ABCC3: variants seen among roughly 807,000 people sequenced by gnomAD.
ABCC3 encodes ATP binding cassette subfamily C member 3, also known as ATP-binding cassette sub-family C member 3.
Under a neutral mutation model 165.3 loss-of-function variants are expected in ABCC3, and 121 were observed. The ratio of observed to expected loss-of-function variants is 0.73; its 90% CI spans 0.63 to 0.85. The LOEUF is 0.85. Ranked by LOEUF, ABCC3 falls within the 40% of genes least tolerant of loss-of-function variation. ABCC3 has a pLI of 0.00. For synonymous variants in ABCC3, 733 were observed against 810.1 expected, an observed-to-expected ratio of 0.90 and a Z score of 1.62; for missense variants, 1,869 against 1,964.1, an observed-to-expected ratio of 0.95 and a Z score of 0.92.
chr17:50,642,718 C>T (rs180672415), intron 1 of ABCC3, among the ~76,000 whole-genome samples: 51 of 152,332 alleles, frequency 3.3e-4, no homozygotes, highest in Admixed American at 9.1e-4. Context: ...TTCTCCGCAT[C>T]GGGGTTGGGT....
chr17:50,649,492 C>T (rs1016244978), intron 1 of ABCC3, among the ~76,000 whole-genome samples: 2 of 151,892 alleles, frequency 1.3e-5, no homozygotes, highest in African/African-American at 2.4e-5. Flanking sequence ...TCTCAAGTTA[C>T]GTTGCAGTTT....
chr17:50,668,680 C>T (rs1466572194), intron 14 of ABCC3, among the ~76,000 whole-genome samples, 163 bp downstream of exon 14: 8 of 152,116 alleles, frequency 5.3e-5, no homozygotes, highest in African/African-American at 7.2e-5. Context: ...TGCTCTCCTC[C>T]GCCCTCCTCC....
chr17:50,672,956 C>A lies in ABCC3; in HGVS notation c.2242-15C>A, dbSNP rs749025100. 6.2e-7 allele frequency: 1 copy of A among 1,610,816 alleles called. No homozygotes were observed. The highest frequency in any genetic ancestry group is 8.5e-7 in the Non-Finnish European group (1 of 1,178,626). On this transcript the variant is annotated splice_polypyrimidine_tract_variant and intron_variant, in intron 17 of 30. Coordinates refer to ENST00000285238, the MANE Select transcript of ABCC3 (RefSeq NM_003786.4). ...CTGTCTGACCCCATTTTTCCCACCC[C>A]CCGCCTCCCTCCAGGGCATTAACCT...
At chr17:50,659,700 T>TG (rs144181111) in intron 7 of ABCC3, among the ~76,000 whole-genome samples, 42,956 of 151,972 alleles carry the variant, frequency 0.28, 6,471 homozygotes, top group East Asian at 0.4. Context: ...ATGGGGACAC[T>TG]GGGGCCGGGT....
intron 22 of ABCC3, 76 bp downstream of exon 22, chr17:50,676,166 C>T: frequency 6.3e-7 from 1 of 1,597,742 alleles, no homozygotes; most frequent in Non-Finnish European, 8.6e-7. Context: ...CAAACCGTGC[C>T]CTTGCATCCA....
chr17:50,677,870 G>A lies in ABCC3; in HGVS notation c.3505G>A (p.Asp1169Asn), dbSNP rs139738090. The A allele has an allele frequency of 7.4e-6, 12 of 1,614,048 alleles. No individual in the cohort carries two copies. The African/African-American group carries it at 1.5e-4, about 20-fold the overall frequency. Reference protein sequence around the residue: ...SVIRAYNRSRDFEIISDTKVD... With the variant: ...SVIRAYNRSRNFEIISDTKVD... ...CATCCGGGCCTACAACCGCAGCCGG[G>A]ATTTTGAGATCATCAGTGATACTAA... Residue 1169 changes from aspartate (D) to asparagine (N), a missense_variant, in exon 24 of 31, where the codon GAT becomes AAT. Asp to Asn is a conservative substitution (Grantham distance 23). Coordinates refer to ENST00000285238, the MANE Select transcript of ABCC3 (RefSeq NM_003786.4).
In ABCC3 at chr17:50,656,784, C is replaced by T. The variant is rs371734426; in HGVS notation, c.305C>T (p.Ala102Val). 4 of 1,613,678 alleles carry T rather than the reference C, an allele frequency of 2.5e-6. No individual in the cohort carries two copies. Among genetic ancestry groups the T allele is most frequent in the Non-Finnish European group, 3.4e-6 (4 of 1,179,914 alleles). ...GGCCTGGTCCATGGCCGGGCCCCTG[C>T]CCCTGTTTTCTTTGTCACCCCCTTG... ...FHGLVHGRAP[A>V]PVFFVTPLVV... Residue 102 changes from alanine to valine, a missense_variant, in exon 3 of 31, where the codon GCC becomes GTC. Ala to Val is a moderately conservative substitution (Grantham distance 64). Coordinates refer to ENST00000285238, the MANE Select transcript of ABCC3 (RefSeq NM_003786.4).
chr17:50,678,324 G>C, intron 25 of ABCC3, 105 bp downstream of exon 25: 1 of 1,254,064 alleles, frequency 8.0e-7, no homozygotes. Flanking sequence ...ATGGGCACCA[G>C]CCACAGGGTC....
intron 2 of ABCC3, among the ~76,000 whole-genome samples, chr17:50,656,412 C>T (rs978342582): frequency 1.3e-5 from 2 of 152,228 alleles, no homozygotes; most frequent in Non-Finnish European, 2.9e-5. Flanking sequence ...CCCACCTCCT[C>T]GGCTGGACTG....
intron 19 of ABCC3, among the ~76,000 whole-genome samples, chr17:50,674,987 A>G (rs1967769022): frequency 6.6e-6 from 1 of 151,608 alleles, no homozygotes; most frequent in Non-Finnish European, 1.5e-5. Context: ...TTTAGTAGAG[A>G]CGGGGTTTCA....
Position 50,667,743 on chromosome 17 carries a change from T to A in ABCC3, c.1621T>A (p.Cys541Ser). The change falls in exon 12 of 31, where the codon TGC becomes AGC. Residue 541 changes from cysteine (C) to serine (S), a missense_variant. Coordinates refer to ENST00000285238, the MANE Select transcript of ABCC3 (RefSeq NM_003786.4). ...CACCACAACCACCTTCACCTGGATG[T>A]GCAGCCCCTTCCTGGTGAGGCTTGG... ...LHTTTTFTWM[C>S]SPFLVTLITL... 2 of 1,614,092 alleles carry A rather than the reference T, an allele frequency of 1.2e-6. No homozygotes were observed. The highest frequency in any genetic ancestry group is 1.7e-6 in the Non-Finnish European group (2 of 1,180,030).
intron 1 of ABCC3, 140 bp downstream of exon 1, chr17:50,635,121 G>A: frequency 1.1e-6 from 1 of 948,342 alleles, no homozygotes; most frequent in Non-Finnish European, 1.4e-6. Context: ...CCGGGAGGGG[G>A]CGATGGGCTC....
chr17:50,654,655 G>A lies in ABCC3; in HGVS notation c.46-1177G>A, dbSNP rs900953853. On this transcript the variant is annotated intron_variant, in intron 1 of 30. Transcript: ENST00000285238. ...CCACCCAGTGAGGTACAGGTGGGCCGGTGGATGGTCACCTCCATTTCAGAA... is the reference window on the plus strand; with the variant it reads ...CCACCCAGTGAGGTACAGGTGGGCCAGTGGATGGTCACCTCCATTTCAGAA... 2.0e-5 allele frequency among the ~76,000 whole-genome samples: 3 copies of A among 152,138 alleles called. No individual in the cohort carries two copies. In the East Asian group the frequency reaches 5.8e-4, roughly 29 times the overall value.
At chr17:50,665,085 G>A in intron 10 of ABCC3, 68 bp from the exon 11 acceptor site, 1 of 1,413,380 alleles carries the variant, frequency 7.1e-7, no homozygotes, top group Non-Finnish European at 1.0e-6. Flanking sequence ...CTGTTTGCCT[G>A]TTGGGTTCTC....
chr17:50,643,092 G>A (rs1966921921), intron 1 of ABCC3, among the ~76,000 whole-genome samples: 1 of 152,234 alleles, frequency 6.6e-6, no homozygotes, highest in Non-Finnish European at 1.5e-5. Flanking sequence ...CACTTAACTG[G>A]CTGCCAGGGA....
chr17:50,651,488 T>A (rs1436578011), intron 1 of ABCC3, among the ~76,000 whole-genome samples: 1 of 152,162 alleles, frequency 6.6e-6, no homozygotes, highest in Non-Finnish European at 1.5e-5. Context: ...TTTGGGAGGC[T>A]GAGGCAGGTG....
chr17:50,641,295 G>C (rs1198343164), intron 1 of ABCC3, among the ~76,000 whole-genome samples: 1 of 152,236 alleles, frequency 6.6e-6, no homozygotes, highest in Non-Finnish European at 1.5e-5. Context: ...GGGTGATGGT[G>C]GGGGAGGGGG....
intron 1 of ABCC3, among the ~76,000 whole-genome samples, chr17:50,645,218 A>T (rs1010030240): frequency 1.3e-4 from 19 of 149,552 alleles, no homozygotes; most frequent in Admixed American, 1.3e-4. Context: ...AAAAAAAAAG[A>T]AAGAAATTAA....
intron 30 of ABCC3, among the ~76,000 whole-genome samples, chr17:50,690,232 C>T (rs371586814): frequency 6.6e-6 from 1 of 152,170 alleles, no homozygotes; most frequent in African/African-American, 2.4e-5. Flanking sequence ...GAGAACAGGC[C>T]GCACTCTGCT....
Sources: allele counts gnomAD v4.1 joint callset (sites outside exome capture counted in the v4.1 genomes callset), GRCh38; gene constraint gnomAD v4.1.1; transcripts MANE v1.5; gene names NCBI Gene and HGNC (gene_info 2026-07-23, HGNC 2026-07-21).